MEI1: variants seen among roughly 807,000 people sequenced by gnomAD.
MEI1 encodes the protein meiotic double-stranded break formation protein 1.
A neutral mutation model predicts 146.2 loss-of-function variants in MEI1; 103 were observed. The ratio of observed to expected loss-of-function variants is 0.70; its 90% CI spans 0.60 to 0.83. The LOEUF is 0.83. Among genes scored for constraint, MEI1 ranks in the 40% least tolerant of loss-of-function variants. The pLI, the probability that MEI1 is intolerant of heterozygous loss-of-function variation, is 0.00. For synonymous variants in MEI1, 652 were observed against 628.2 expected (o/e 1.04, Z -0.57); for missense variants, 1,529 against 1,533.0 (o/e 1.00, Z 0.04).
rs5996060 is a variant in MEI1, at chr22:41,763,625, G to A, written c.2268+304G>A. Among the ~76,000 whole-genome samples the A allele has an allele frequency of 1.2e-3, 177 of 152,030 alleles. 2 individuals carry two copies. The highest frequency in any genetic ancestry group is 4.2e-3 in the African/African-American group (174 of 41,448). On this transcript the variant is annotated intron_variant, in intron 19 of 30. Transcript: ENST00000401548. Reference sequence around the variant, plus strand: ...AGCACTTTGGGAGGCTGAGGTGGGCGGATCACTTGAGTTCGGGAGTGCAAT... The same window carrying A: ...AGCACTTTGGGAGGCTGAGGTGGGCAGATCACTTGAGTTCGGGAGTGCAAT...
chr22:41,755,918 C>A (rs1025263165), intron 17 of MEI1, among the ~76,000 whole-genome samples: 2 of 152,050 alleles, frequency 1.3e-5, no homozygotes, highest in South Asian at 2.1e-4. Context: ...AGGATGGATT[C>A]TTTCGGTTGA....
At chr22:41,792,014 G>C (rs1602184474) in intron 26 of MEI1, among the ~76,000 whole-genome samples, 1 of 152,212 alleles carries the variant, frequency 6.6e-6, no homozygotes, top group African/African-American at 2.4e-5. Context: ...TGACTGCTGA[G>C]TATGGGGTTT....
chr22:41,722,407 C>T (rs1039576860), intron 6 of MEI1, among the ~76,000 whole-genome samples: 1 of 151,904 alleles, frequency 6.6e-6, no homozygotes, highest in Admixed American at 6.6e-5. Context: ...AAGTGATCCT[C>T]TCACCTTGAT....
rs1681978706 is a variant in MEI1 at position 41,749,668 on chromosome 22, C to G, written c.1792+1450C>G. Among the ~76,000 whole-genome samples the G allele has an allele frequency of 2.0e-5, 3 of 152,178 alleles. No homozygotes were observed. The South Asian group carries it at 6.2e-4, about 32-fold the overall frequency. On this transcript the variant is annotated intron_variant, in intron 15 of 30. Coordinates refer to ENST00000401548, the MANE Select transcript of MEI1 (RefSeq NM_152513.4). ...TGTTTCAGAAAGATCTTTCTTGGAG[C>G]AGTGTGGACTATGAGTTAGAGGGAG...
At chr22:41,784,585 T>C (rs1185418263) in intron 25 of MEI1, 23 bp from the exon 26 acceptor site, 1 of 1,608,708 alleles carries the variant, frequency 6.2e-7, no homozygotes, top group Admixed American at 1.7e-5. Context: ...AGGAATTGGG[T>C]GTAAGGAATC....
chr22:41,758,560 T>C, intron 18 of MEI1, 27 bp downstream of exon 18: 1 of 1,595,004 alleles, frequency 6.3e-7, no homozygotes, highest in Non-Finnish European at 8.6e-7. Context: ...GGGTGGCTGG[T>C]GGTGGGTCTT....
chr22:41,784,290 C>T, intron 24 of MEI1, 49 bp from the exon 25 acceptor site: 4 of 1,549,394 alleles, frequency 2.6e-6, no homozygotes, highest in Non-Finnish European at 3.6e-6. Flanking sequence ...TATTTTCTGC[C>T]CAGGCTTCCA....
Position 41,795,129 on chromosome 22 carries a change from A to C in MEI1, c.3535-282A>C, listed in dbSNP as rs571646889. Among the ~76,000 whole-genome samples the C allele has an allele frequency of 6.6e-6, 1 of 152,312 alleles. No homozygotes were observed. The highest frequency in any genetic ancestry group is 1.9e-4 in the East Asian group (1 of 5,188). On this transcript the variant is annotated intron_variant, in intron 28 of 30. Coordinates refer to ENST00000401548, the MANE Select transcript of MEI1 (RefSeq NM_152513.4). The surrounding 1 kb of genome is among the most constrained non-coding windows in gnomAD (Gnocchi z 4.2). The stretch of plus-strand genomic sequence containing the variant: ...GTGGTATGTCAGGGGAGCCACACGT[A>C]GTTCATTTTGGCCATGAGTGTTCAG...
At chr22:41,785,029 C>T (rs900039227) in intron 26 of MEI1, among the ~76,000 whole-genome samples, 22 of 151,584 alleles carry the variant, frequency 1.5e-4, no homozygotes, top group Admixed American at 9.8e-4. Context: ...CTCCGCCTCC[C>T]GGGTTCAAGC....
At position 41,737,141 on chromosome 22, in the gene MEI1, C is replaced by T. The variant is rs946923690; in HGVS notation, c.1331+4538C>T. ...ATTCCCTTAAATCATTGTGTGACTG[C>T]GTTTTTCTTATCATTCAAGTCTCAT... On this transcript the variant is annotated intron_variant, in intron 11 of 30. Transcript: ENST00000401548. Among the ~76,000 whole-genome samples, 11 of 152,144 alleles carry T rather than the reference C, an allele frequency of 7.2e-5. No individual in the cohort carries two copies. In the East Asian group the frequency reaches 1.3e-3, roughly 19 times the overall value.
chr22:41,730,683 AG>A, intron 9 of MEI1, 46 bp downstream of exon 9: 1 of 1,312,868 alleles, frequency 7.6e-7, no homozygotes, highest in Non-Finnish European at 1.1e-6. Context: ...GGTGGACGGC[AG>A]TTTGCACTTG....
chr22:41,752,094 CTG>C (rs2073797530), intron 15 of MEI1, among the ~76,000 whole-genome samples: 1 of 151,336 alleles, frequency 6.6e-6, no homozygotes, highest in African/African-American at 2.4e-5. Flanking sequence ...AGAAAAGAAA[CTG>C]TTATTGGACC....
At chr22:41,770,662 C>G in intron 19 of MEI1, 24 bp from the exon 20 acceptor site, 1 of 1,607,424 alleles carries the variant, frequency 6.2e-7, no homozygotes, top group Non-Finnish European at 8.5e-7. Flanking sequence ...GTGTATTTAC[C>G]TCCTTTCTTT....
intron 18 of MEI1, among the ~76,000 whole-genome samples, chr22:41,761,552 G>A (rs1232971617): frequency 6.6e-6 from 1 of 151,962 alleles, no homozygotes; most frequent in African/African-American, 2.4e-5. Context: ...CTGACCTCGT[G>A]ATCTGCCCGC....
chr22:41,703,515 G>T, intron 2 of MEI1, 61 bp downstream of exon 2: 1 of 1,386,466 alleles, frequency 7.2e-7, no homozygotes. Flanking sequence ...ATCTGCTTTT[G>T]GGGCTCTTGG....
chr22:41,767,754 C>T, intron 19 of MEI1: 1 of 384,778 alleles, frequency 2.6e-6, no homozygotes, highest in East Asian at 7.4e-5. Context: ...AAGTTCCTTG[C>T]CCTCAGAGAA....
In MEI1 at chr22:41,714,020, C is replaced by T. The variant is rs373057100; in HGVS notation, c.368C>T (p.Thr123Met). 1.4e-5 allele frequency: 22 copies of T among 1,595,150 alleles called. No individual in the cohort carries two copies. Among genetic ancestry groups the T allele is most frequent in the East Asian group, 6.8e-5 (3 of 44,324 alleles). The stretch of plus-strand genomic sequence containing the variant: ...TGTTCAGTCCTTATTCAGATCACAA[C>T]GCAGCTGAAGCTGGAGCAGACTATC... ...LCIEVLIQIT[T>M]QLKLEQTIRC... The change falls in exon 4 of 31, where the codon ACG becomes ATG. Residue 123 changes from threonine (T) to methionine (M), a missense_variant. Coordinates refer to ENST00000401548, the MANE Select transcript of MEI1 (RefSeq NM_152513.4).
chr22:41,716,053 C>T lies in MEI1; in HGVS notation c.436C>T (p.Pro146Ser), dbSNP rs1189791173. The change falls in exon 5 of 31, where the codon CCC (proline) becomes TCC (serine). Residue 146 changes from proline (P) to serine (S), a missense_variant. Coordinates refer to ENST00000401548, the MANE Select transcript of MEI1 (RefSeq NM_152513.4). The part of the protein sequence containing the change: ...DECHKELCNM[P>S]SMRGSLATLT... ...TCACTTTCTGTAGCTGTGTAACATG[C>T]CCTCCATGCGAGGCAGCCTGGCCAC... is the stretch of plus-strand genomic sequence containing the variant. 3 of 1,608,750 alleles carry T rather than the reference C, an allele frequency of 1.9e-6. No individual in the cohort carries two copies. Among genetic ancestry groups the T allele is most frequent in the South Asian group, 1.1e-5 (1 of 89,732 alleles).
intron 5 of MEI1, 42 bp downstream of exon 5, chr22:41,716,188 G>A: frequency 7.3e-7 from 1 of 1,369,890 alleles, no homozygotes; most frequent in East Asian, 2.4e-5. Context: ...CCTTTTACCT[G>A]CTTTTATCAT....
Sources: gnomAD v4.1 joint callset for allele counts (sites outside exome capture counted in the v4.1 genomes callset) on GRCh38, gnomAD v4.1.1 for gene constraint, Gnocchi (gnomAD v3.1) non-coding constraint, MANE v1.5 for transcripts, NCBI Gene and HGNC (gene_info 2026-07-23, HGNC 2026-07-21) for gene names.